Variants in KLRD1 observed in about 807,000 individuals in gnomAD.
KLRD1 encodes natural killer cells antigen CD94.
KLRD1 carries 21 observed loss-of-function variants against 22.6 expected under a neutral mutation model. The ratio of observed to expected loss-of-function variants is 0.93; its 90% CI spans 0.66 to 1.34. KLRD1 has a LOEUF of 1.34. Among genes scored for constraint, KLRD1 ranks in the 40% most tolerant of loss-of-function variants. The pLI is 0.00. For missense variants in KLRD1, 183 were observed against 208.6 expected, an observed-to-expected ratio of 0.88 and a Z score of 0.76; for synonymous variants, 59 against 71.1, an observed-to-expected ratio of 0.83 and a Z score of 0.85.
chr12:10,313,045 G>T (rs1950133398), intron 4 of KLRD1, among the ~76,000 whole-genome samples: 1 of 151,986 alleles, frequency 6.6e-6, no homozygotes, highest in African/African-American at 2.4e-5. Context: ...CACCTTTGCG[G>T]ATTATAGGTT....
chr12:10,305,272 C>T (rs1251555642), upstream of KLRD1, among the ~76,000 whole-genome samples: 2 of 152,140 alleles, frequency 1.3e-5, no homozygotes, highest in African/African-American at 4.8e-5. Flanking sequence ...CAAAGAGAGA[C>T]GTTCTTTTGG....
At chr12:10,275,285 G>A (rs1949583004) in intron 1 of KLRD1, among the ~76,000 whole-genome samples, 1 of 152,162 alleles carries the variant, frequency 6.6e-6, no homozygotes, top group African/African-American at 2.4e-5. Context: ...AGCTCTGAGT[G>A]TCTCATCTTT....
intron 1 of KLRD1, among the ~76,000 whole-genome samples, chr12:10,284,573 C>T (rs982079921): frequency 2.6e-5 from 4 of 152,090 alleles, no homozygotes; most frequent in East Asian, 1.9e-4. Context: ...TGGGTTATAG[C>T]GTGAATCATC....
chr12:10,311,509 G>A lies in KLRD1; in HGVS notation c.209G>A (p.Cys70Tyr). 3.7e-6 allele frequency: 6 copies of A among 1,613,940 alleles called. No homozygotes were observed. In the South Asian group the frequency reaches 5.5e-5, roughly 15 times the overall value. Residue 70 changes from cysteine to tyrosine, a missense_variant, in exon 4 of 6, where the codon TGC (cysteine) becomes TAC (tyrosine). Cys to Tyr is a radical substitution (Grantham distance 194). Coordinates refer to ENST00000336164, the MANE Select transcript of KLRD1 (RefSeq NM_002262.5). ...CAAGAAAAATGGGTTGGGTACCGGT[G>A]CAACTGTTACTTCATTTCCAGTGAA... is the stretch of plus-strand genomic sequence containing the variant. ...SCQEKWVGYR[C>Y]NCYFISSEQK...
intron 1 of KLRD1, among the ~76,000 whole-genome samples, chr12:10,283,601 C>A (rs1333685027): frequency 6.6e-6 from 1 of 151,962 alleles, no homozygotes; most frequent in Non-Finnish European, 1.5e-5. Context: ...GAGATAAAGC[C>A]TGAAGCAGAG....
intron 1 of KLRD1, among the ~76,000 whole-genome samples, chr12:10,288,158 G>A (rs547109464): frequency 2.7e-5 from 4 of 150,486 alleles, no homozygotes; most frequent in South Asian, 2.1e-4. Flanking sequence ...GAGGAGAATC[G>A]CTGGAACCCA....
At chr12:10,271,350 C>A (rs10845100) in intron 1 of KLRD1, among the ~76,000 whole-genome samples, 3 of 152,002 alleles carry the variant, frequency 2.0e-5, no homozygotes, top group Admixed American at 2.0e-4. Flanking sequence ...TTTCCATGAT[C>A]TTGGTACACC....
At chr12:10,248,842 C>T (rs1232636807) in intron 1 of KLRD1, among the ~76,000 whole-genome samples, 1 of 151,978 alleles carries the variant, frequency 6.6e-6, no homozygotes, top group East Asian at 1.9e-4. Context: ...AGGTGATCCA[C>T]CCACCTCGGC....
In KLRD1 at chr12:10,249,760, T is replaced by C. The variant is rs375701556; in HGVS notation, c.-101+23527T>C. 3.9e-5 allele frequency among the ~76,000 whole-genome samples: 6 copies of C among 152,284 alleles called. No homozygotes were observed. The East Asian group carries it at 7.7e-4, about 20-fold the overall frequency. ...TAATGAATCTCACATTTATCACACA[T>C]ATGCAGTGAGAAGGACTCCTGGAGG... On this transcript the variant is annotated intron_variant, in intron 1 of 5. Transcript: ENST00000544747.
chr12:10,266,744 A>G (rs1477263106), intron 1 of KLRD1, among the ~76,000 whole-genome samples: 1 of 151,862 alleles, frequency 6.6e-6, no homozygotes, highest in Non-Finnish European at 1.5e-5. Context: ...ACAGGTGCAT[A>G]TGACTTTATT....
Position 10,314,743 on chromosome 12 carries a change from G to GAATCCTGTGAAGATAA in KLRD1, c.493_508dup (p.Asn170IlefsTer3). On this transcript the variant is annotated frameshift_variant, in exon 6 of 6. Transcript: ENST00000336164. LOFTEE classifies it low-confidence loss of function (END_TRUNC). Reference sequence around the variant, plus strand: ...TAATCCAAATGGAAATGCTTTAGATGAATCCTGTGAAGATAAAAATCGTTA... The same window carrying GAATCCTGTGAAGATAA: ...TAATCCAAATGGAAATGCTTTAGATGAATCCTGTGAAGATAAAATCCTGTGAAGATAAAAATCGTTA... 6.2e-7 allele frequency: 1 copy of GAATCCTGTGAAGATAA among 1,603,648 alleles called. No individual in the cohort carries two copies. Among genetic ancestry groups the GAATCCTGTGAAGATAA allele is most frequent in the Non-Finnish European group, 8.5e-7 (1 of 1,175,184 alleles).
chr12:10,290,318 A>C (rs1949755674), intron 1 of KLRD1, among the ~76,000 whole-genome samples: 1 of 152,242 alleles, frequency 6.6e-6, no homozygotes, highest in Admixed American at 6.5e-5. Flanking sequence ...GGCCAGAGCA[A>C]GACCTATAAA....
In KLRD1 at chr12:10,326,075, T is replaced by A. The variant is rs908570172; in HGVS notation, c.*11282T>A. 1 of 152,228 alleles carries A rather than the reference T, an allele frequency of 6.6e-6. No homozygotes were observed. The highest frequency in any genetic ancestry group is 1.5e-5 in the Non-Finnish European group (1 of 68,034). 9.4% of individuals were successfully genotyped at this position (152,228 alleles called of 1,614,324 possible). A position where few individuals can be genotyped will look rare whatever the true frequency, so the allele number is the denominator to read the frequency against. On this transcript the variant is annotated 3_prime_UTR_variant, in exon 6 of 6. Transcript: ENST00000336164. ...ATGATTAGTGATATTGAGCATCATT[T>A]CATATGCCCATTGACCCTTTGTATG...
chr12:10,310,921 CTG>C (rs1448615623), intron 3 of KLRD1, among the ~76,000 whole-genome samples: 1 of 152,178 alleles, frequency 6.6e-6, no homozygotes, highest in Non-Finnish European at 1.5e-5. Context: ...TATTGATAAA[CTG>C]TATAATTAAG....
At position 10,313,394 on chromosome 12, in the gene KLRD1, CT is replaced by C; in HGVS notation, c.316-12del. ...ATTAAAATTAGATTAATGTGATTGT[CT>C]TTTACTTGAAGCAGGATTTTATGAG... On this transcript the variant is annotated splice_polypyrimidine_tract_variant and intron_variant, in intron 4 of 5. Coordinates refer to ENST00000336164, the MANE Select transcript of KLRD1 (RefSeq NM_002262.5). The C allele has an allele frequency of 2.0e-6, 3 of 1,472,214 alleles. No individual in the cohort carries two copies. The highest frequency in any genetic ancestry group is 1.4e-5 in the African/African-American group (1 of 71,364). 91.2% of individuals were successfully genotyped at this position (1,472,214 alleles called of 1,614,324 possible). A position where few individuals can be genotyped will look rare whatever the true frequency, so the allele number is the denominator to read the frequency against.
intron 1 of KLRD1, among the ~76,000 whole-genome samples, chr12:10,263,163 ACTCT>A (rs775465978): frequency 7.6e-4 from 115 of 151,886 alleles, no homozygotes; most frequent in Non-Finnish European, 1.5e-3. Context: ...TATTATACAA[ACTCT>A]CTCTAATTTT....
chr12:10,269,457 T>C (rs1281866084), intron 1 of KLRD1, among the ~76,000 whole-genome samples: 1 of 152,156 alleles, frequency 6.6e-6, no homozygotes, highest in Non-Finnish European at 1.5e-5. Flanking sequence ...AGCCTCAAAT[T>C]CATTCTTTAA....
At chr12:10,265,756 C>CA (rs1238951764) in intron 1 of KLRD1, among the ~76,000 whole-genome samples, 4 of 151,710 alleles carry the variant, frequency 2.6e-5, no homozygotes, top group East Asian at 3.9e-4. Context: ...GAATCCCTCT[C>CA]AAAAAAAAGA....
At chr12:10,266,708 CAT>C (rs1949502463) in intron 1 of KLRD1, among the ~76,000 whole-genome samples, 3 of 151,890 alleles carry the variant, frequency 2.0e-5, no homozygotes, top group South Asian at 2.1e-4. Flanking sequence ...TATGTACACA[CAT>C]ATATATGCAC....
Sources: allele counts gnomAD v4.1 joint callset (sites outside exome capture counted in the v4.1 genomes callset), GRCh38; gene constraint gnomAD v4.1.1; transcripts MANE v1.5; gene names NCBI Gene and HGNC (gene_info 2026-07-23, HGNC 2026-07-21).